Variants in LRMDA observed in about 807,000 individuals in gnomAD.
LRMDA encodes the protein leucine rich melanocyte differentiation associated, also known as leucine-rich melanocyte differentiation-associated protein.
A neutral mutation model predicts 29.8 loss-of-function variants in LRMDA; 18 were observed. The ratio of observed to expected loss-of-function variants is 0.60; its 90% CI spans 0.42 to 0.90. LRMDA has a LOEUF of 0.90. LRMDA is among the 40% of genes least tolerant of loss of function. LRMDA has a pLI of 0.00. For missense variants in LRMDA, 273 were observed against 273.9 expected (o/e 1.00, Z 0.02); for synonymous variants, 125 against 109.4 (o/e 1.14, Z -0.89).
intron 2 of LRMDA, among the ~76,000 whole-genome samples, chr10:75,516,507 G>A (rs1845291465): frequency 6.6e-6 from 1 of 152,136 alleles, no homozygotes; most frequent in Admixed American, 6.5e-5. Flanking sequence ...GTCTTCTTTT[G>A]AGAAGTGTCT....
At chr10:75,996,227 G>T (rs1426689004) in intron 2 of LRMDA, among the ~76,000 whole-genome samples, 1 of 152,150 alleles carries the variant, frequency 6.6e-6, no homozygotes, top group African/African-American at 2.4e-5. Context: ...ATGAAGAAGA[G>T]AATTAACTCT....
intron 2 of LRMDA, among the ~76,000 whole-genome samples, chr10:75,539,149 C>A (rs1288640625): frequency 6.6e-6 from 1 of 152,184 alleles, no homozygotes; most frequent in Non-Finnish European, 1.5e-5. Context: ...CTTTCCCTTT[C>A]CTAAAAGCTT....
intron 5 of LRMDA, among the ~76,000 whole-genome samples, chr10:76,145,022 C>T (rs1850285272): frequency 6.6e-6 from 1 of 152,160 alleles, no homozygotes; most frequent in African/African-American, 2.4e-5. Flanking sequence ...TTGAACCAGC[C>T]TTGCATCCAG....
chr10:75,581,645 G>C (rs1840593164), intron 2 of LRMDA, among the ~76,000 whole-genome samples: 1 of 152,110 alleles, frequency 6.6e-6, no homozygotes, highest in Non-Finnish European at 1.5e-5. Flanking sequence ...GCAGGGACAT[G>C]GATGAAGCTG....
chr10:75,652,666 C>G (rs922203559), intron 2 of LRMDA, among the ~76,000 whole-genome samples: 1 of 152,062 alleles, frequency 6.6e-6, no homozygotes, highest in Non-Finnish European at 1.5e-5. Flanking sequence ...CCGGTGAGTT[C>G]CTTTGAGGGA....
chr10:76,322,091 A>G (rs561446187), intron 5 of LRMDA, among the ~76,000 whole-genome samples: 1 of 152,364 alleles, frequency 6.6e-6, no homozygotes, highest in Admixed American at 6.5e-5. Context: ...TAAATTTTCT[A>G]TTACTGCATA....
intron 5 of LRMDA, among the ~76,000 whole-genome samples, chr10:76,228,031 T>C (rs1364937483): frequency 6.6e-6 from 1 of 151,934 alleles, no homozygotes; most frequent in East Asian, 1.9e-4. Flanking sequence ...TAGTCTTTTT[T>C]TTTTTTTTTT....
chr10:75,756,544 G>C lies in LRMDA; in HGVS notation c.132-279464G>C, dbSNP rs142415374. On this transcript the variant is annotated intron_variant, in intron 2 of 6. Coordinates refer to ENST00000611255, the MANE Select transcript of LRMDA (RefSeq NM_001305581.2). ...ACTTGCTCCGACCATTGATATTTTA[G>C]TGTTTAGTTTTTGTTCTATGCAGCT... is the stretch of plus-strand genomic sequence containing the variant. Among the ~76,000 whole-genome samples the C allele has an allele frequency of 2.0e-5, 3 of 152,296 alleles. No homozygotes were observed. The East Asian group carries it at 5.8e-4, about 29-fold the overall frequency.
intron 2 of LRMDA, among the ~76,000 whole-genome samples, chr10:75,761,808 G>GTTT (rs1302346924): frequency 3.3e-5 from 4 of 120,052 alleles, no homozygotes; most frequent in Admixed American, 8.5e-5. Context: ...TTTTTTTTTT[G>GTTT]TTTTTTTTTT....
At chr10:76,046,897 A>C (rs1248187849) in intron 3 of LRMDA, among the ~76,000 whole-genome samples, 1 of 152,236 alleles carries the variant, frequency 6.6e-6, no homozygotes, top group African/African-American at 2.4e-5. Context: ...CTATAGAGGA[A>C]AGAAAAATAT....
chr10:76,357,021 A>G (rs1481207622), intron 6 of LRMDA, among the ~76,000 whole-genome samples: 3 of 152,228 alleles, frequency 2.0e-5, no homozygotes, highest in Non-Finnish European at 1.5e-5. Flanking sequence ...AAGGTACAAC[A>G]AGATGTGAGT....
intron 2 of LRMDA, among the ~76,000 whole-genome samples, chr10:75,799,105 A>G (rs563399824): frequency 1.3e-5 from 2 of 152,184 alleles, no homozygotes; most frequent in African/African-American, 4.8e-5. Flanking sequence ...TGTTTTATTA[A>G]GAGTTTCTGT....
intron 2 of LRMDA, among the ~76,000 whole-genome samples, chr10:75,977,440 T>C (rs550978148): frequency 6.6e-6 from 1 of 152,270 alleles, no homozygotes; most frequent in African/African-American, 2.4e-5. Flanking sequence ...TCCCCCTCTG[T>C]CCAGGGCATC....
At chr10:76,079,606 A>G (rs1451714631) in intron 5 of LRMDA, among the ~76,000 whole-genome samples, 2 of 152,230 alleles carry the variant, frequency 1.3e-5, no homozygotes, top group Non-Finnish European at 2.9e-5. Flanking sequence ...TTATAAAAAG[A>G]AAGTCCTTAC....
intron 2 of LRMDA, among the ~76,000 whole-genome samples, chr10:75,976,635 C>G (rs74149852): frequency 0.016 from 2,501 of 152,288 alleles, 53 homozygotes; most frequent in East Asian, 0.065. Context: ...CAAAGTATTA[C>G]TATTTGCCAG....
chr10:75,853,415 A>T (rs1359728004), intron 2 of LRMDA, among the ~76,000 whole-genome samples: 1 of 147,956 alleles, frequency 6.8e-6, no homozygotes, highest in Non-Finnish European at 1.5e-5. Context: ...GTTCTAAAGC[A>T]TCCACCTAAA....
chr10:75,907,796 C>T (rs1203985750), intron 2 of LRMDA, among the ~76,000 whole-genome samples: 1 of 152,178 alleles, frequency 6.6e-6, no homozygotes, highest in East Asian at 1.9e-4. Context: ...AGAAGGAGGA[C>T]TATTAAGGGA....
At chr10:76,525,054 G>T (rs1270303871) in intron 6 of LRMDA, among the ~76,000 whole-genome samples, 1 of 152,106 alleles carries the variant, frequency 6.6e-6, no homozygotes, top group African/African-American at 2.4e-5. Context: ...ACATTCAATG[G>T]CAGGGCTTGG....
intron 2 of LRMDA, among the ~76,000 whole-genome samples, chr10:75,827,191 A>T (rs1383796705): frequency 6.6e-6 from 1 of 152,152 alleles, no homozygotes; most frequent in Non-Finnish European, 1.5e-5. Context: ...TTTTCTTATA[A>T]TTAGAAAAGT....
Sources: allele counts gnomAD v4.1 joint callset (sites outside exome capture counted in the v4.1 genomes callset), GRCh38; gene constraint gnomAD v4.1.1; transcripts MANE v1.5; gene names NCBI Gene and HGNC (gene_info 2026-07-23, HGNC 2026-07-21).